Variants in RASA2 observed in about 807,000 individuals in gnomAD.
RASA2 encodes the protein ras GTPase-activating protein 2.
Under a neutral mutation model 118.2 loss-of-function variants are expected in RASA2, and 155 were observed. That is an observed-to-expected ratio of 1.31 (90% CI 1.15 to 1.50). The LOEUF (loss-of-function observed/expected upper bound fraction) is 1.50. Among genes scored for constraint, RASA2 ranks in the 40% most tolerant of loss-of-function variants. The pLI, the probability that RASA2 is intolerant of heterozygous loss-of-function variation, is 0.00. For missense variants in RASA2, 1,016 were observed against 1,009.6 expected (o/e 1.01, Z -0.09); for synonymous variants, 353 against 349.1 (o/e 1.01, Z -0.12).
At chr3:141,583,590 A>T (rs767845012) in intron 17 of RASA2, among the ~76,000 whole-genome samples, 1 of 152,136 alleles carries the variant, frequency 6.6e-6, no homozygotes, top group Non-Finnish European at 1.5e-5. Context: ...GTTCCCTTGG[A>T]TACTTGTACC....
At chr3:141,491,817 A>G (rs1186643112) in intron 1 of RASA2, among the ~76,000 whole-genome samples, 1 of 152,218 alleles carries the variant, frequency 6.6e-6, no homozygotes, top group East Asian at 1.9e-4. Flanking sequence ...GGAAAAGAAA[A>G]TCTCATATTC....
At chr3:141,552,568 A>G (rs1164617998) in intron 5 of RASA2, among the ~76,000 whole-genome samples, 2 of 152,350 alleles carry the variant, frequency 1.3e-5, no homozygotes, top group South Asian at 2.1e-4. Flanking sequence ...GTCAGATATC[A>G]TTTTGAGGTT....
intron 5 of RASA2, among the ~76,000 whole-genome samples, chr3:141,546,858 T>G (rs2082493745): frequency 6.6e-6 from 1 of 152,226 alleles, no homozygotes; most frequent in African/African-American, 2.4e-5. Context: ...TAATCCATTT[T>G]TATTTGATTT....
At chr3:141,603,906 A>G (rs535370291) in intron 19 of RASA2, among the ~76,000 whole-genome samples, 8 of 152,360 alleles carry the variant, frequency 5.3e-5, no homozygotes, top group African/African-American at 1.9e-4. Flanking sequence ...ATGTTGTAGC[A>G]TGAATCAGTA....
intron 3 of RASA2, among the ~76,000 whole-genome samples, chr3:141,523,453 C>A (rs894699825): frequency 1.3e-5 from 2 of 152,082 alleles, no homozygotes; most frequent in African/African-American, 4.8e-5. Flanking sequence ...AGTCCTCTTC[C>A]CAGAGGTAAT....
intron 4 of RASA2, among the ~76,000 whole-genome samples, chr3:141,536,763 T>A (rs907885830): frequency 7.0e-4 from 100 of 142,442 alleles, no homozygotes; most frequent in African/African-American, 2.7e-3. Flanking sequence ...GTTAGATTCT[T>A]TTTTTTTTTT....
chr3:141,552,974 A>G (rs2082596162), intron 5 of RASA2, among the ~76,000 whole-genome samples: 1 of 152,210 alleles, frequency 6.6e-6, no homozygotes, highest in Non-Finnish European at 1.5e-5. Flanking sequence ...TGGAGGAACA[A>G]ATCACTAAAG....
intron 7 of RASA2, among the ~76,000 whole-genome samples, chr3:141,556,328 A>C (rs2082649261): frequency 6.6e-6 from 1 of 152,234 alleles, no homozygotes. Flanking sequence ...AGAGTCACTA[A>C]ATGTGACTCA....
intron 11 of RASA2, among the ~76,000 whole-genome samples, chr3:141,572,222 G>A (rs972356585): frequency 1.3e-5 from 2 of 151,872 alleles, no homozygotes; most frequent in African/African-American, 4.8e-5. Context: ...CTCCTGAGTA[G>A]CTGGGATTAC....
intron 5 of RASA2, 33 bp from the exon 6 acceptor site, chr3:141,553,824 C>T: frequency 6.3e-7 from 1 of 1,584,038 alleles, no homozygotes; most frequent in Non-Finnish European, 8.6e-7. Flanking sequence ...TAACTGGAAT[C>T]TAATATGTTA....
intron 5 of RASA2, among the ~76,000 whole-genome samples, chr3:141,547,922 T>G (rs749848149): frequency 1.1e-4 from 16 of 152,204 alleles, no homozygotes; most frequent in Non-Finnish European, 2.2e-4. Flanking sequence ...CAAATACTTT[T>G]TGGCATCAGT....
intron 14 of RASA2, among the ~76,000 whole-genome samples, chr3:141,574,750 CTGCA>C (rs2082984097): frequency 6.6e-6 from 1 of 152,158 alleles, no homozygotes; most frequent in Non-Finnish European, 1.5e-5. Context: ...TCTTTTCCAG[CTGCA>C]TGCATTCAGA....
chr3:141,515,889 ACT>A (rs1243025900), intron 2 of RASA2, among the ~76,000 whole-genome samples: 2 of 137,780 alleles, frequency 1.5e-5, no homozygotes, highest in Non-Finnish European at 3.1e-5. Flanking sequence ...ACAGAGCAAG[ACT>A]CTGTCTCAAA....
chr3:141,579,387 G>A (rs1373986403), intron 15 of RASA2: 2 of 152,018 alleles, frequency 1.3e-5, no homozygotes, highest in African/African-American at 4.8e-5. Flanking sequence ...GATTCCTGAG[G>A]GAACACCGTT....
chr3:141,600,462 C>T, intron 19 of RASA2: 1 of 360,708 alleles, frequency 2.8e-6, no homozygotes, highest in Non-Finnish European at 5.6e-6. Flanking sequence ...GGTTGCGCTC[C>T]TTATTAGACA....
intron 3 of RASA2, among the ~76,000 whole-genome samples, chr3:141,526,506 G>A (rs1164885921): frequency 1.3e-5 from 2 of 151,772 alleles, no homozygotes; most frequent in African/African-American, 2.4e-5. Context: ...GGCTGATGAT[G>A]TATATTTCTT....
At chr3:141,520,232 C>A (rs541810882) in intron 3 of RASA2, among the ~76,000 whole-genome samples, 1 of 151,840 alleles carries the variant, frequency 6.6e-6, no homozygotes, top group African/African-American at 2.4e-5. Flanking sequence ...AGGCTGGTCT[C>A]GAACTCCTGA....
At chr3:141,548,855 C>G (rs767567635) in intron 5 of RASA2, among the ~76,000 whole-genome samples, 3 of 152,122 alleles carry the variant, frequency 2.0e-5, no homozygotes, top group Non-Finnish European at 2.9e-5. Context: ...GTCATTTTCT[C>G]GCAGGTTCCG....
In RASA2 at chr3:141,529,752, A is replaced by G. The variant is rs2082233884; in HGVS notation, c.400A>G (p.Lys134Glu). The change falls in exon 4 of 24, where the codon AAA becomes GAA. Residue 134 changes from lysine (K) to glutamate (E), a missense_variant. By Grantham distance (56) the Lys-to-Glu change is moderately conservative. This residue lies in a region of RASA2 where 896 missense variants were observed against 836.4 expected (regional missense o/e 1.07). Transcript: ENST00000286364. ...AGAAGACTTGTGTAATCACAGTGGCAAAGAAACTTGGTTTTCATTACAGCC... is the reference window on the plus strand; with the variant it reads ...AGAAGACTTGTGTAATCACAGTGGCGAAGAAACTTGGTTTTCATTACAGCC... ...KKEDLCNHSG[K>E]ETWFSLQPVD... 6 of 1,612,640 alleles carry G rather than the reference A, an allele frequency of 3.7e-6. No homozygotes were observed. The highest frequency in any genetic ancestry group is 2.2e-5 in the South Asian group (2 of 91,048).
Sources: allele counts gnomAD v4.1 joint callset (sites outside exome capture counted in the v4.1 genomes callset), GRCh38; gene constraint gnomAD v4.1.1; regional missense constraint gnomAD v4.1.1; transcripts MANE v1.5; gene names NCBI Gene and HGNC (gene_info 2026-07-23, HGNC 2026-07-21).